The following TTC28 variants were observed in gnomAD, a reference collection of about 807,000 sequenced individuals.
The protein encoded by TTC28 is tetratricopeptide repeat domain 28.
Under a neutral mutation model 198.0 loss-of-function variants are expected in TTC28, and 61 were observed. The ratio of observed to expected loss-of-function variants is 0.31; its 90% confidence interval spans 0.25 to 0.38. The LOEUF (loss-of-function observed/expected upper bound fraction) is 0.38. Ranked by LOEUF, TTC28 falls within the 10% of genes least tolerant of loss-of-function variation. The pLI is 1.00. For synonymous variants in TTC28, 1,171 were observed against 1,297.8 expected, an observed-to-expected ratio of 0.90 and a Z score of 2.10; for missense variants, 2,678 against 3,164.0, an observed-to-expected ratio of 0.85 and a Z score of 3.69.
intron 12 of TTC28, among the ~76,000 whole-genome samples, chr22:28,086,722 G>A (rs1265564804): frequency 6.6e-6 from 1 of 152,070 alleles, no homozygotes; most frequent in Non-Finnish European, 1.5e-5. Context: ...AATGAATCCA[G>A]GAGCTGGTTT....
intron 12 of TTC28, among the ~76,000 whole-genome samples, chr22:28,048,666 G>A (rs1222219399): frequency 2.0e-5 from 3 of 152,106 alleles, no homozygotes; most frequent in Non-Finnish European, 4.4e-5. Context: ...GGACAGTGCA[G>A]AGTCTGGTGT....
intron 5 of TTC28, among the ~76,000 whole-genome samples, chr22:28,295,295 A>G (rs1409354789): frequency 2.0e-5 from 3 of 152,168 alleles, no homozygotes; most frequent in African/African-American, 4.8e-5. Context: ...AACATGACTA[A>G]ACATATTTCT....
chr22:28,292,394 C>T (rs544279693), intron 5 of TTC28, among the ~76,000 whole-genome samples: 1 of 152,172 alleles, frequency 6.6e-6, no homozygotes, highest in South Asian at 2.1e-4. Context: ...CACTATGTTG[C>T]CCAAGCTGGT....
At chr22:28,483,439 G>A (rs1028441464) in intron 2 of TTC28, among the ~76,000 whole-genome samples, 7 of 152,112 alleles carry the variant, frequency 4.6e-5, no homozygotes, top group Admixed American at 3.3e-4. Flanking sequence ...TCAACAGTCA[G>A]TGAAACTTTT....
chr22:28,061,327 C>T (rs899449017), intron 12 of TTC28, among the ~76,000 whole-genome samples: 11 of 152,284 alleles, frequency 7.2e-5, no homozygotes, highest in African/African-American at 2.6e-4. Context: ...CCTAGGTTTT[C>T]TTCTAGGGTT....
At position 28,492,888 on chromosome 22, in the gene TTC28, T is replaced by C. The variant is rs945748321; in HGVS notation, c.381+136664A>G. Among the ~76,000 whole-genome samples the C allele has an allele frequency of 2.0e-5, 3 of 152,064 alleles. No individual in the cohort carries two copies. The South Asian group carries it at 6.2e-4, about 32-fold the overall frequency. ...TACACGAAATGTTCCCAAAACATCT[T>C]GTCATTCCAAAAAGTAAGACAGTTT... On this transcript the variant is annotated intron_variant, in intron 2 of 22. Coordinates refer to ENST00000397906, the MANE Select transcript of TTC28 (RefSeq NM_001145418.2).
chr22:28,235,684 C>T (rs1569214066), intron 5 of TTC28, among the ~76,000 whole-genome samples: 1 of 152,152 alleles, frequency 6.6e-6, no homozygotes, highest in Non-Finnish European at 1.5e-5. Context: ...TCTCAAAGCA[C>T]TGAAGCAGAT....
chr22:28,080,332 C>T (rs1298906807), intron 12 of TTC28, among the ~76,000 whole-genome samples: 2 of 152,228 alleles, frequency 1.3e-5, no homozygotes, highest in African/African-American at 4.8e-5. Flanking sequence ...AATTTTTCCA[C>T]ATCCTGGCCA....
intron 2 of TTC28, among the ~76,000 whole-genome samples, chr22:28,584,522 A>C (rs1171216356): frequency 6.6e-6 from 1 of 152,220 alleles, no homozygotes. Flanking sequence ...TTCTATATCT[A>C]AGCTGACTAA....
chr22:28,483,175 TTAGA>T (rs1476378751), intron 2 of TTC28, among the ~76,000 whole-genome samples: 1 of 152,198 alleles, frequency 6.6e-6, no homozygotes, highest in African/African-American at 2.4e-5. Context: ...CAGACATGTA[TTAGA>T]TAAAGTCTCT....
At chr22:28,437,917 T>C (rs1053741550) in intron 2 of TTC28, among the ~76,000 whole-genome samples, 7 of 152,092 alleles carry the variant, frequency 4.6e-5, no homozygotes, top group African/African-American at 1.7e-4. Flanking sequence ...CAAGTGATAA[T>C]AATGAGGCAC....
intron 2 of TTC28, among the ~76,000 whole-genome samples, chr22:28,571,144 T>G (rs2050053596): frequency 6.6e-6 from 1 of 152,200 alleles, no homozygotes; most frequent in Admixed American, 6.5e-5. Flanking sequence ...TGCCTATTCC[T>G]CAGTGCCAAG....
intron 2 of TTC28, among the ~76,000 whole-genome samples, chr22:28,553,942 G>A (rs939858616): frequency 6.6e-6 from 1 of 152,258 alleles, no homozygotes; most frequent in Non-Finnish European, 1.5e-5. Flanking sequence ...GGGGGGAAAG[G>A]TGGGGAAAAG....
chr22:28,460,088 A>T (rs936251002), intron 2 of TTC28: 4 of 152,262 alleles, frequency 2.6e-5, no homozygotes, highest in Non-Finnish European at 5.9e-5. Flanking sequence ...AGTGAAACTC[A>T]GAGTCGACAG....
intron 2 of TTC28, among the ~76,000 whole-genome samples, chr22:28,384,302 G>A (rs2046540998): frequency 6.6e-6 from 1 of 152,066 alleles, no homozygotes; most frequent in Non-Finnish European, 1.5e-5. Context: ...TGCCCAGGCT[G>A]ATCTCAAACT....
intron 2 of TTC28, among the ~76,000 whole-genome samples, chr22:28,490,934 T>A (rs1469716383): frequency 6.6e-6 from 1 of 152,250 alleles, no homozygotes; most frequent in East Asian, 1.9e-4. Flanking sequence ...AATGCCTCTT[T>A]GCCTAAAGCC....
Position 28,555,212 on chromosome 22 carries a change from T to C in TTC28, c.381+74340A>G, listed in dbSNP as rs549143406. Among the ~76,000 whole-genome samples, 6 of 152,334 alleles carry C rather than the reference T, an allele frequency of 3.9e-5. No individual in the cohort carries two copies. The South Asian group carries it at 6.2e-4, about 16-fold the overall frequency. ...AAAATAATAGATGTTGGCATGGATG[T>C]AGTGAAAAGGGACCACTTTTACACT... On this transcript the variant is annotated intron_variant, in intron 2 of 22. Coordinates refer to ENST00000397906, the MANE Select transcript of TTC28 (RefSeq NM_001145418.2).
At chr22:28,605,508 C>G (rs1317050889) in intron 2 of TTC28, among the ~76,000 whole-genome samples, 1 of 152,078 alleles carries the variant, frequency 6.6e-6, no homozygotes, top group Non-Finnish European at 1.5e-5. Context: ...GAGACAGAAA[C>G]CTTTCAATCA....
At chr22:28,167,050 G>A (rs913382578) in intron 5 of TTC28, among the ~76,000 whole-genome samples, 6 of 152,048 alleles carry the variant, frequency 3.9e-5, no homozygotes, top group African/African-American at 9.7e-5. Flanking sequence ...ACACCTCTAC[G>A]CAAAAAAACT....
Sources: gnomAD v4.1 joint callset for allele counts (sites outside exome capture counted in the v4.1 genomes callset) on GRCh38, gnomAD v4.1.1 for gene constraint, MANE v1.5 for transcripts, NCBI Gene and HGNC (gene_info 2026-07-23, HGNC 2026-07-21) for gene names.